The following PTK2B variants were observed in gnomAD, a reference collection of about 807,000 sequenced individuals.
The protein encoded by PTK2B is protein-tyrosine kinase 2-beta.
PTK2B carries 71 observed loss-of-function variants against 142.9 expected under a neutral mutation model. That is an observed-to-expected ratio of 0.50 (90% CI 0.41 to 0.61). The LOEUF is 0.61. Among genes scored for constraint, PTK2B ranks in the 20% least tolerant of loss-of-function variants. The probability of loss-of-function intolerance (pLI) is 0.00; values close to 1 mark genes in which losing one functional copy is unlikely to be tolerated. For missense variants in PTK2B, 1,105 were observed against 1,320.4 expected, an observed-to-expected ratio of 0.84 and a Z score of 2.53; for synonymous variants, 519 against 503.4, an observed-to-expected ratio of 1.03 and a Z score of -0.42.
chr8:27,407,731 C>T (rs1469888512), intron 2 of PTK2B, among the ~76,000 whole-genome samples: 1 of 152,224 alleles, frequency 6.6e-6, no homozygotes, highest in Non-Finnish European at 1.5e-5. Flanking sequence ...CTCACATCTT[C>T]ATGTCTTAAT....
intron 3 of PTK2B, among the ~76,000 whole-genome samples, chr8:27,319,067 G>A (rs1449244449): frequency 6.6e-6 from 1 of 152,146 alleles, no homozygotes; most frequent in Non-Finnish European, 1.5e-5. Flanking sequence ...TTTTCCCAAA[G>A]AGATTCACAT....
Position 27,345,658 on chromosome 8 carries a change from A to G in PTK2B, c.-38+19977A>G, listed in dbSNP as rs541043986. Among the ~76,000 whole-genome samples the G allele has an allele frequency of 2.0e-5, 3 of 152,366 alleles. No homozygotes were observed. In the South Asian group the frequency reaches 6.2e-4, roughly 32 times the overall value. ...ATATGACATTTGGATGATGGGACCC[A>G]GTAACCTATTTGTGCAGACTTCTAT... On this transcript the variant is annotated intron_variant, in intron 1 of 30. Transcript: ENST00000346049.
intron 23 of PTK2B, among the ~76,000 whole-genome samples, chr8:27,445,151 A>G (rs951707138): frequency 6.6e-6 from 1 of 152,178 alleles, no homozygotes; most frequent in African/African-American, 2.4e-5. Flanking sequence ...GGGAGGATTC[A>G]TTGAGCTCAG....
At chr8:27,397,854 AGCTCTCCTGCAGCCTC>A (rs1398165645) in intron 2 of PTK2B, 66 bp downstream of exon 2, 1 of 553,438 alleles carries the variant, frequency 1.8e-6, no homozygotes, top group Non-Finnish European at 2.7e-6. Context: ...GCAGCTGAGC[AGCTCTCCTGCAGCCTC>A]GCAGCTCTCC....
chr8:27,400,743 T>A lies in PTK2B; in HGVS notation c.204+2955T>A, dbSNP rs557176608. On this transcript the variant is annotated intron_variant, in intron 2 of 30. Transcript: ENST00000346049. Reference sequence around the variant, plus strand: ...GAGAAAGGGAGGGCATTCTGAGATTTCAGCTTTACATGTGTTGTGTTTAAA... The same window carrying A: ...GAGAAAGGGAGGGCATTCTGAGATTACAGCTTTACATGTGTTGTGTTTAAA... Among the ~76,000 whole-genome samples, 44 of 152,322 alleles carry A rather than the reference T, an allele frequency of 2.9e-4. 1 individual carries two copies. The South Asian group carries it at 8.9e-3, about 31-fold the overall frequency.
intron 1 of PTK2B, among the ~76,000 whole-genome samples, chr8:27,360,068 T>C (rs1267713177): frequency 1.3e-5 from 2 of 152,230 alleles, no homozygotes; most frequent in Non-Finnish European, 1.5e-5. Flanking sequence ...GATGTCTTTG[T>C]TATGGTTTAT....
At chr8:27,313,292 G>A (rs1159650651) in intron 3 of PTK2B, 8 of 152,350 alleles carry the variant, frequency 5.3e-5, no homozygotes, top group Admixed American at 5.2e-4. Context: ...GGAACTGTGA[G>A]TCAATTAAAC....
chr8:27,316,071 G>C (rs555464873), intron 3 of PTK2B, among the ~76,000 whole-genome samples: 10 of 152,100 alleles, frequency 6.6e-5, no homozygotes, highest in Non-Finnish European at 1.5e-4. Context: ...GGTCCTTATT[G>C]ATGTTCAAGT....
chr8:27,419,813 C>G, intron 2 of PTK2B, 82 bp from the exon 3 acceptor site: 2 of 1,460,488 alleles, frequency 1.4e-6, no homozygotes, highest in South Asian at 2.5e-5. Flanking sequence ...CCTAGAGAAT[C>G]CCACTTTTCA....
chr8:27,311,522 G>C, exon 1 of PTK2B: 2 of 492,562 alleles, frequency 4.1e-6, no homozygotes, highest in Non-Finnish European at 7.1e-6. Flanking sequence ...TCCCTGGCCG[G>C]GGTAGCACGG....
intron 4 of PTK2B, 98 bp from the exon 5 acceptor site, chr8:27,422,206 C>T: frequency 1.7e-6 from 2 of 1,188,808 alleles, no homozygotes; most frequent in Non-Finnish European, 2.3e-6. Context: ...GGCTGTCACT[C>T]AGGGAGGCAG....
chr8:27,414,469 A>G (rs1298186718), intron 2 of PTK2B, among the ~76,000 whole-genome samples: 1 of 151,864 alleles, frequency 6.6e-6, no homozygotes, highest in African/African-American at 2.4e-5. Flanking sequence ...GATGGTCTTG[A>G]TCTTCTGACC....
chr8:27,355,930 C>T (rs921298751), intron 1 of PTK2B, among the ~76,000 whole-genome samples: 4 of 151,026 alleles, frequency 2.6e-5, no homozygotes, highest in Admixed American at 1.3e-4. Flanking sequence ...GGCTGAGGCC[C>T]GAGAATTGCT....
chr8:27,350,989 AAATATATATATAT>A lies in PTK2B; in HGVS notation c.-38+25310_-38+25322del, dbSNP rs1275843701. 1.2e-3 allele frequency among the ~76,000 whole-genome samples: 21 copies of A among 17,722 alleles called. 4 individuals carry two copies. Among genetic ancestry groups the A allele is most frequent in the East Asian group, 8.3e-3 (12 of 1,446 alleles). The allele number at this position is 17,722 out of a possible 152,430, so 11.6% of individuals were successfully genotyped here. ...AGTCTCCGTCTCAAAAAAAAAAAAA[AAATATATATATAT>A]ATATATATATATATATATATATATA... On this transcript the variant is annotated intron_variant, in intron 1 of 30. Coordinates refer to ENST00000346049, the MANE Select transcript of PTK2B (RefSeq NM_173176.3).
chr8:27,333,799 CCCT>C, intron 1 of PTK2B, among the ~76,000 whole-genome samples: 1 of 152,178 alleles, frequency 6.6e-6, no homozygotes, highest in East Asian at 1.9e-4. Flanking sequence ...ATCCACAGGC[CCCT>C]TCTCCATCAT....
At chr8:27,411,395 C>T (rs2131651011) in intron 2 of PTK2B, among the ~76,000 whole-genome samples, 1 of 152,308 alleles carries the variant, frequency 6.6e-6, no homozygotes, top group South Asian at 2.1e-4. Context: ...GAATTCACAC[C>T]ATACCTTTCC....
chr8:27,330,805 G>A (rs73679165), intron 1 of PTK2B, among the ~76,000 whole-genome samples: 1,958 of 152,282 alleles, frequency 0.013, 49 homozygotes, highest in African/African-American at 0.045. Flanking sequence ...ATTTTCAGGA[G>A]ACCCTCCAGG....
intron 2 of PTK2B, among the ~76,000 whole-genome samples, chr8:27,402,967 A>T (rs7005183): frequency 6.6e-6 from 1 of 152,176 alleles, no homozygotes; most frequent in African/African-American, 2.4e-5. Flanking sequence ...CTGGGTTTAC[A>T]TGCAGAGGAG....
At chr8:27,449,335 A>G (rs1159982333) in intron 24 of PTK2B, among the ~76,000 whole-genome samples, 2 of 152,256 alleles carry the variant, frequency 1.3e-5, no homozygotes, top group Non-Finnish European at 2.9e-5. Context: ...GAAACGTGTG[A>G]TTAGAAATTG....
Sources: allele counts gnomAD v4.1 joint callset (sites outside exome capture counted in the v4.1 genomes callset), GRCh38; gene constraint gnomAD v4.1.1; transcripts MANE v1.5; gene names NCBI Gene and HGNC (gene_info 2026-07-23, HGNC 2026-07-21).